The following TBL1X variants were observed in gnomAD, a reference collection of about 807,000 sequenced individuals.
TBL1X encodes transducin beta like 1 X-linked, also known as F-box-like/WD repeat-containing protein TBL1X.
In TBL1X, 10 loss-of-function variants were observed where a neutral mutation model predicts 50.7. The observed-to-expected ratio is 0.20, with a 90% CI of 0.12 to 0.33. The LOEUF (loss-of-function observed/expected upper bound fraction) is 0.33, where lower values mean the gene tolerates loss of function less well. Among genes scored for constraint, TBL1X ranks in the 10% least tolerant of loss-of-function variants. The probability of loss-of-function intolerance (pLI) is 1.00; values close to 1 mark genes in which losing one functional copy is unlikely to be tolerated. For missense variants in TBL1X, 340 were observed against 504.4 expected (o/e 0.67, Z 3.12); for synonymous variants, 190 against 214.7 (o/e 0.88, Z 1.01).
intron 2 of TBL1X, among the ~76,000 whole-genome samples, chrX:9,607,964 A>ATTT (rs370098919): frequency 1.1e-5 from 1 of 92,166 alleles, no homozygotes; most frequent in Non-Finnish European, 2.2e-5. Context: ...CATGCCTGGA[A>ATTT]TTTTTTTTTT....
At chrX:9,609,043 G>A (rs754742258) in intron 2 of TBL1X, among the ~76,000 whole-genome samples, 1 of 111,735 alleles carries the variant, frequency 8.9e-6, no homozygotes, top group Non-Finnish European at 1.9e-5. Flanking sequence ...TATATACCTA[G>A]GGGAGAAAAG....
intron 2 of TBL1X, among the ~76,000 whole-genome samples, chrX:9,519,110 C>T (rs1482254751): frequency 8.9e-6 from 1 of 111,844 alleles, no homozygotes; most frequent in Admixed American, 9.5e-5. Flanking sequence ...AAGGAGATGC[C>T]GCGTGGTTTC....
chrX:9,701,084 C>T (rs1440819442), intron 12 of TBL1X, among the ~76,000 whole-genome samples: 3 of 110,546 alleles, frequency 2.7e-5, no homozygotes, highest in Non-Finnish European at 3.8e-5. Flanking sequence ...TGCAGCGATA[C>T]ACATCTACCC....
At chrX:9,668,750 A>G (rs1438222965) in intron 5 of TBL1X, among the ~76,000 whole-genome samples, 1 of 111,884 alleles carries the variant, frequency 8.9e-6, no homozygotes, top group Non-Finnish European at 1.9e-5. Context: ...TAAGGAATCA[A>G]AGTTGACTTA....
At chrX:9,502,500 T>G (rs191266070) in intron 2 of TBL1X, among the ~76,000 whole-genome samples, 15 of 112,321 alleles carry the variant, frequency 1.3e-4, no homozygotes, top group African/African-American at 3.6e-4. Flanking sequence ...CTGCTGAGCT[T>G]CTCACCTTTC....
chrX:9,702,814 A>G (rs896036942), intron 12 of TBL1X, among the ~76,000 whole-genome samples: 1 of 111,444 alleles, frequency 9.0e-6, no homozygotes, highest in African/African-American at 3.3e-5. Flanking sequence ...AAAACCAATG[A>G]GAGTTCTTGG....
chrX:9,504,754 T>C (rs2082017913), intron 2 of TBL1X, among the ~76,000 whole-genome samples: 1 of 111,335 alleles, frequency 9.0e-6, no homozygotes, highest in South Asian at 3.7e-4. Flanking sequence ...AAATAAGACA[T>C]GCAGACAAGA....
At chrX:9,596,289 G>C (rs983160919) in intron 2 of TBL1X, among the ~76,000 whole-genome samples, 41 of 111,848 alleles carry the variant, frequency 3.7e-4, no homozygotes, top group African/African-American at 1.3e-3. Context: ...GAGTCTAGAA[G>C]GCAAAATAAA....
At chrX:9,522,752 T>G (rs1318930799) in intron 2 of TBL1X, among the ~76,000 whole-genome samples, 1 of 111,772 alleles carries the variant, frequency 8.9e-6, no homozygotes, top group East Asian at 2.8e-4. Flanking sequence ...TGCCCCCACT[T>G]CTCTGCAGCA....
intron 2 of TBL1X, among the ~76,000 whole-genome samples, chrX:9,576,701 A>T (rs1321407687): frequency 9.3e-6 from 1 of 107,371 alleles, no homozygotes; most frequent in East Asian, 2.9e-4. Flanking sequence ...ACATTAAAAA[A>T]AAAAAAAAAA....
chrX:9,512,549 G>A (rs1412651079), intron 2 of TBL1X, among the ~76,000 whole-genome samples: 1 of 109,733 alleles, frequency 9.1e-6, no homozygotes, highest in East Asian at 2.9e-4. Context: ...TGTTGCCCAG[G>A]CTGGAGTGCA....
At chrX:9,705,151 G>C (rs374860981) in intron 13 of TBL1X, 37 bp downstream of exon 13, 32 of 1,209,250 alleles carry the variant, frequency 2.6e-5, no homozygotes, top group Non-Finnish European at 3.6e-5. Context: ...TCGAGTTTGT[G>C]AGAATGTGAT....
chrX:9,535,371 C>T (rs768804875), intron 2 of TBL1X, among the ~76,000 whole-genome samples: 1 of 112,463 alleles, frequency 8.9e-6, no homozygotes, highest in South Asian at 3.6e-4. Flanking sequence ...GTGTGTGTGG[C>T]TTGCAGCCAG....
intron 2 of TBL1X, among the ~76,000 whole-genome samples, chrX:9,594,694 G>T (rs1366469108): frequency 8.9e-6 from 1 of 112,079 alleles, no homozygotes; most frequent in Non-Finnish European, 1.9e-5. Flanking sequence ...GCTTCTACAA[G>T]AAAAAATTCT....
intron 2 of TBL1X, among the ~76,000 whole-genome samples, chrX:9,570,968 C>T (rs530619376): frequency 4.7e-4 from 53 of 111,964 alleles, no homozygotes; most frequent in Non-Finnish European, 7.0e-4. Flanking sequence ...TGAGCCACCG[C>T]GCCCGGCCCA....
intron 2 of TBL1X, among the ~76,000 whole-genome samples, chrX:9,556,151 T>C (rs1297194283): frequency 9.3e-6 from 1 of 107,778 alleles, no homozygotes; most frequent in Non-Finnish European, 1.9e-5. Context: ...ATTGTGCCAC[T>C]GTATTCCAGC....
At chrX:9,685,080 T>C (rs2083049366) in intron 6 of TBL1X, among the ~76,000 whole-genome samples, 1 of 112,187 alleles carries the variant, frequency 8.9e-6, no homozygotes, top group Admixed American at 9.4e-5. Context: ...AAATGCACAT[T>C]AAAACTGTGC....
chrX:9,541,878 A>C (rs917693529), intron 2 of TBL1X, among the ~76,000 whole-genome samples: 1 of 110,480 alleles, frequency 9.1e-6, no homozygotes, highest in Non-Finnish European at 1.9e-5. Flanking sequence ...CACAAACTTC[A>C]TGGTCTGGGA....
intron 11 of TBL1X, among the ~76,000 whole-genome samples, chrX:9,695,422 C>T (rs1305129239): frequency 3.5e-5 from 4 of 112,751 alleles, no homozygotes; most frequent in East Asian, 2.8e-4. Flanking sequence ...GACACATAAA[C>T]GTTCTCATGT....
Sources: gnomAD v4.1 joint callset for allele counts (sites outside exome capture counted in the v4.1 genomes callset) on GRCh38, gnomAD v4.1.1 for gene constraint, MANE v1.5 for transcripts, NCBI Gene and HGNC (gene_info 2026-07-23, HGNC 2026-07-21) for gene names.